The following CTTNBP2 variants were observed in gnomAD, a reference collection of about 807,000 sequenced individuals.
CTTNBP2 encodes cortactin binding protein 2.
Under a neutral mutation model 156.9 loss-of-function variants are expected in CTTNBP2, and 108 were observed. The ratio of observed to expected loss-of-function variants is 0.69; its 90% CI spans 0.59 to 0.81. CTTNBP2 has a LOEUF of 0.81. Ranked by LOEUF, CTTNBP2 falls within the 30% of genes least tolerant of loss-of-function variation. The pLI is 0.00. For synonymous variants in CTTNBP2, 767 were observed against 751.8 expected, an observed-to-expected ratio of 1.02 and a Z score of -0.33; for missense variants, 1,924 against 2,035.4, an observed-to-expected ratio of 0.95 and a Z score of 1.05.
At chr7:117,842,824 T>C (rs1173423527) in intron 2 of CTTNBP2, among the ~76,000 whole-genome samples, 3 of 152,318 alleles carry the variant, frequency 2.0e-5, no homozygotes, top group African/African-American at 4.8e-5. Flanking sequence ...CAAGGAAAAT[T>C]TGGAGTCAAT....
intron 9 of CTTNBP2, among the ~76,000 whole-genome samples, chr7:117,763,805 A>C (rs1797336729): frequency 6.6e-6 from 1 of 151,954 alleles, no homozygotes; most frequent in Non-Finnish European, 1.5e-5. Context: ...TCCTGGGCTC[A>C]AGCAATCCTC....
At chr7:117,814,461 TGC>T (rs1800462544) in intron 2 of CTTNBP2, among the ~76,000 whole-genome samples, 1 of 152,222 alleles carries the variant, frequency 6.6e-6, no homozygotes, top group South Asian at 2.1e-4. Context: ...GGTCTTGCTC[TGC>T]CACCCAGGCT....
chr7:117,858,231 A>G (rs989724637), intron 2 of CTTNBP2, among the ~76,000 whole-genome samples: 6 of 152,274 alleles, frequency 3.9e-5, no homozygotes, highest in East Asian at 3.9e-4. Context: ...TTAGCCGGGC[A>G]TGGTGGCAGG....
intron 8 of CTTNBP2, among the ~76,000 whole-genome samples, 177 bp from the exon 9 acceptor site, chr7:117,767,353 A>G (rs899645951): frequency 8.5e-5 from 13 of 152,228 alleles, no homozygotes; most frequent in African/African-American, 3.1e-4. Flanking sequence ...ATGTCTAGAA[A>G]TGCAAAACAA....
intron 16 of CTTNBP2, among the ~76,000 whole-genome samples, chr7:117,730,157 C>T (rs908572467): frequency 1.3e-5 from 2 of 152,136 alleles, no homozygotes; most frequent in South Asian, 4.1e-4. Context: ...CCTCCCTAGG[C>T]CTGAGATGTG....
At position 117,711,378 on chromosome 7, in the gene CTTNBP2, T is replaced by A; in HGVS notation, c.*159A>T. ...AAAAAAAGCAACAAAATGTTGGTTA[T>A]AAATACATTCTTTACAAAAAAAAAT... On this transcript the variant is annotated 3_prime_UTR_variant, in exon 23 of 23. Coordinates refer to ENST00000160373, the MANE Select transcript of CTTNBP2 (RefSeq NM_033427.3). 1.3e-6 allele frequency: 1 copy of A among 762,180 alleles called. No homozygotes were observed. Among genetic ancestry groups the A allele is most frequent in the Non-Finnish European group, 2.0e-6 (1 of 509,180 alleles). 47.2% of individuals were successfully genotyped at this position (762,180 alleles called of 1,614,324 possible). A position where few individuals can be genotyped will look rare whatever the true frequency, so the allele number is the denominator to read the frequency against.
chr7:117,746,661 A>T (rs539639319), intron 12 of CTTNBP2, among the ~76,000 whole-genome samples: 13 of 152,272 alleles, frequency 8.5e-5, no homozygotes, highest in African/African-American at 3.1e-4. Flanking sequence ...CATGAGTGTC[A>T]TCTTTTTACA....
chr7:117,742,059 C>T (rs1304193976), intron 14 of CTTNBP2, among the ~76,000 whole-genome samples: 2 of 152,092 alleles, frequency 1.3e-5, no homozygotes, highest in African/African-American at 2.4e-5. Flanking sequence ...TTGGGTAGAG[C>T]CCAGAAGTAT....
chr7:117,848,727 C>T (rs1802754770), intron 2 of CTTNBP2, among the ~76,000 whole-genome samples: 1 of 152,170 alleles, frequency 6.6e-6, no homozygotes, highest in African/African-American at 2.4e-5. Context: ...TACTGGGACT[C>T]AAGTAAGATT....
chr7:117,807,677 G>T (rs953191347), intron 3 of CTTNBP2, among the ~76,000 whole-genome samples: 1 of 152,140 alleles, frequency 6.6e-6, no homozygotes, highest in Non-Finnish European at 1.5e-5. Flanking sequence ...CAAAAAAGAA[G>T]GACCTGGGGA....
chr7:117,712,840 G>A (rs780585114), intron 22 of CTTNBP2, among the ~76,000 whole-genome samples: 4 of 152,058 alleles, frequency 2.6e-5, no homozygotes, highest in Non-Finnish European at 4.4e-5. Flanking sequence ...AAAATCTTGC[G>A]GCCAAAGAAC....
Position 117,796,964 on chromosome 7 carries a change from C to T in CTTNBP2, c.415-4183G>A, listed in dbSNP as rs180946311. 2.6e-3 allele frequency among the ~76,000 whole-genome samples: 394 copies of T among 152,234 alleles called. 6 individuals carry two copies. The highest frequency in any genetic ancestry group is 9.2e-3 in the African/African-American group (381 of 41,532). ...TATAAAACATAGTGATTTAAAGGCT[C>T]TTGAGAGCAATAAAAGAGGTAGAAA... On this transcript the variant is annotated intron_variant, in intron 3 of 22. Transcript: ENST00000160373.
At chr7:117,867,047 T>C (rs1165402625) in intron 1 of CTTNBP2, among the ~76,000 whole-genome samples, 1 of 152,166 alleles carries the variant, frequency 6.6e-6, no homozygotes, top group Non-Finnish European at 1.5e-5. Flanking sequence ...TAAATTCACC[T>C]CTCTAGGTAC....
chr7:117,815,066 C>G (rs1053577750), intron 2 of CTTNBP2, among the ~76,000 whole-genome samples: 1 of 152,108 alleles, frequency 6.6e-6, no homozygotes, highest in Admixed American at 6.6e-5. Context: ...TTCAGAGATG[C>G]CAGGTAATAA....
chr7:117,791,477 C>A lies in CTTNBP2; in HGVS notation c.1719G>T (p.Ser573=). 1 of 1,614,164 alleles carries A rather than the reference C, an allele frequency of 6.2e-7. No homozygotes were observed. The highest frequency in any genetic ancestry group is 8.5e-7 in the Non-Finnish European group (1 of 1,180,028). Residue 573 remains serine (S), a synonymous_variant, in exon 4 of 23, where the codon TCG becomes TCT. Transcript: ENST00000160373. ...TGTTATCAACTTTGGCCCCTGTGTTCGAGGCCCTGCTGCTGTCTATAATAA... is the reference window on the plus strand; with the variant it reads ...TGTTATCAACTTTGGCCCCTGTGTTAGAGGCCCTGCTGCTGTCTATAATAA... ...LKVIIDSSRA[S]NTGAKVDNKT...
chr7:117,776,087 G>A lies in CTTNBP2; in HGVS notation c.2778+1424C>T, dbSNP rs114372450. ...CTATCTCCTTCTGGATGAACAAATC[G>A]TAGCCCTTACATTCAGCATGTCTAA... On this transcript the variant is annotated intron_variant, in intron 8 of 22. Coordinates refer to ENST00000160373, the MANE Select transcript of CTTNBP2 (RefSeq NM_033427.3). Among the ~76,000 whole-genome samples the A allele has an allele frequency of 5.3e-3, 810 of 152,220 alleles. 8 individuals carry two copies. Among genetic ancestry groups the A allele is most frequent in the African/African-American group, 0.018 (746 of 41,536 alleles).
At chr7:117,760,860 T>G in intron 9 of CTTNBP2, 150 bp from the exon 10 acceptor site, 6 of 597,762 alleles carry the variant, frequency 1.0e-5, no homozygotes, top group Non-Finnish European at 1.2e-5. Context: ...TGAACGTTCT[T>G]ACACTGGAGT....
At chr7:117,855,957 A>C (rs1803284946) in intron 2 of CTTNBP2, among the ~76,000 whole-genome samples, 1 of 152,246 alleles carries the variant, frequency 6.6e-6, no homozygotes, top group Non-Finnish European at 1.5e-5. Flanking sequence ...ATAGGTATTC[A>C]TCAAATCCTT....
chr7:117,730,819 G>A (rs1266577631), intron 16 of CTTNBP2, among the ~76,000 whole-genome samples: 1 of 151,858 alleles, frequency 6.6e-6, no homozygotes, highest in Non-Finnish European at 1.5e-5. Flanking sequence ...AAAAAATTCG[G>A]GGGGATGGGG....
Sources: allele counts gnomAD v4.1 joint callset (sites outside exome capture counted in the v4.1 genomes callset), GRCh38; gene constraint gnomAD v4.1.1; transcripts MANE v1.5; gene names NCBI Gene and HGNC (gene_info 2026-07-23, HGNC 2026-07-21).